ACOXL: variants seen among roughly 807,000 people sequenced by gnomAD.
The protein encoded by ACOXL is acyl-coenzyme A oxidase-like protein.
In ACOXL, 70 loss-of-function variants were observed where a neutral mutation model predicts 71.9. The observed-to-expected ratio is 0.97, with a 90% confidence interval of 0.80 to 1.19. The LOEUF is 1.19. Among genes scored for constraint, ACOXL ranks in the 50% most tolerant of loss-of-function variants. ACOXL has a pLI of 0.00. For missense variants in ACOXL, 703 were observed against 736.3 expected, an observed-to-expected ratio of 0.95 and a Z score of 0.52; for synonymous variants, 253 against 281.6, an observed-to-expected ratio of 0.90 and a Z score of 1.02.
chr2:111,072,890 A>G (rs1018901794), intron 16 of ACOXL, among the ~76,000 whole-genome samples: 1 of 152,200 alleles, frequency 6.6e-6, no homozygotes, highest in African/African-American at 2.4e-5. Flanking sequence ...GATGTATGAG[A>G]GATCCAGTTA....
At position 110,771,386 on chromosome 2, in the gene ACOXL, G is replaced by A. The variant is rs546004235; in HGVS notation, c.75+2922G>A. ...CCTGCTCAGGGAGCATGCCAGGCCC[G>A]TCTGTGTTTCCCTGGACCCCCCTTT... On this transcript the variant is annotated intron_variant, in intron 2 of 17. Transcript: ENST00000439055. Among the ~76,000 whole-genome samples the A allele has an allele frequency of 6.6e-5, 10 of 152,240 alleles. 1 individual carries two copies. The South Asian group carries it at 1.5e-3, about 22-fold the overall frequency.
intron 1 of ACOXL, among the ~76,000 whole-genome samples, chr2:110,759,410 G>C (rs1680097651): frequency 6.6e-6 from 1 of 152,108 alleles, no homozygotes; most frequent in African/African-American, 2.4e-5. Context: ...TTGTTGAATT[G>C]AACACTTTAC....
At chr2:110,899,799 A>G (rs1267330826) in intron 10 of ACOXL, among the ~76,000 whole-genome samples, 1 of 152,164 alleles carries the variant, frequency 6.6e-6, no homozygotes, top group Admixed American at 6.5e-5. Flanking sequence ...TCACTCACAG[A>G]TATTGCTAAG....
chr2:110,744,872 T>G (rs1274331775), intron 1 of ACOXL, among the ~76,000 whole-genome samples: 1 of 152,116 alleles, frequency 6.6e-6, no homozygotes, highest in African/African-American at 2.4e-5. Flanking sequence ...GGTGCAGCCA[T>G]TTTGTCATTT....
At chr2:110,837,751 A>T (rs1282540894) in intron 9 of ACOXL, among the ~76,000 whole-genome samples, 1 of 152,172 alleles carries the variant, frequency 6.6e-6, no homozygotes. Context: ...CCTTGCCATT[A>T]AAATGTGATT....
At chr2:110,936,891 A>C (rs1176741051) in intron 12 of ACOXL, among the ~76,000 whole-genome samples, 1 of 149,374 alleles carries the variant, frequency 6.7e-6, no homozygotes, top group Non-Finnish European at 1.5e-5. Context: ...TGTGTTGCCC[A>C]GGCTGGAGTG....
chr2:111,106,661 G>A (rs1398115852), intron 17 of ACOXL, among the ~76,000 whole-genome samples: 1 of 152,164 alleles, frequency 6.6e-6, no homozygotes, highest in Non-Finnish European at 1.5e-5. Context: ...TAAATCTTCT[G>A]TTTTAGCTGG....
At chr2:111,097,225 A>T (rs2068853722) in intron 17 of ACOXL, among the ~76,000 whole-genome samples, 1 of 152,174 alleles carries the variant, frequency 6.6e-6, no homozygotes, top group Non-Finnish European at 1.5e-5. Context: ...TTTCTGCAGA[A>T]AAGTTGGAAA....
intron 1 of ACOXL, among the ~76,000 whole-genome samples, chr2:110,751,840 ACT>A (rs1032962359): frequency 1.9e-4 from 29 of 152,270 alleles, no homozygotes; most frequent in African/African-American, 7.0e-4. Flanking sequence ...CAATTTGTTG[ACT>A]CAACATATTT....
intron 1 of ACOXL, among the ~76,000 whole-genome samples, chr2:110,757,907 T>A (rs1199288869): frequency 1.3e-5 from 2 of 152,224 alleles, no homozygotes; most frequent in Admixed American, 1.3e-4. Flanking sequence ...TAGATCCGAT[T>A]CGTCAATTTT....
intron 3 of ACOXL, among the ~76,000 whole-genome samples, chr2:110,785,273 A>G (rs1284185557): frequency 2.0e-5 from 3 of 152,186 alleles, no homozygotes; most frequent in Non-Finnish European, 4.4e-5. Flanking sequence ...CATCTTATGT[A>G]GCAGTAATGC....
chr2:110,889,735 A>G (rs1401271008), intron 10 of ACOXL, among the ~76,000 whole-genome samples: 1 of 152,222 alleles, frequency 6.6e-6, no homozygotes, highest in Non-Finnish European at 1.5e-5. Flanking sequence ...TTATTAACCC[A>G]TTCATCAACT....
intron 1 of ACOXL, among the ~76,000 whole-genome samples, chr2:110,736,763 G>A (rs1351176823): frequency 6.6e-6 from 1 of 152,152 alleles, no homozygotes; most frequent in Non-Finnish European, 1.5e-5. Context: ...GGGACTACAG[G>A]CACCCACCAC....
At chr2:110,982,388 C>A (rs905569838) in intron 12 of ACOXL, among the ~76,000 whole-genome samples, 17 of 152,122 alleles carry the variant, frequency 1.1e-4, no homozygotes, top group Admixed American at 6.5e-5. Context: ...CTCGTCTCTC[C>A]CCTCTCTTCC....
intron 10 of ACOXL, among the ~76,000 whole-genome samples, chr2:110,859,792 C>T (rs904244647): frequency 2.0e-5 from 3 of 152,218 alleles, no homozygotes; most frequent in African/African-American, 7.2e-5. Context: ...GTGTGATGCT[C>T]ACCTTGCATC....
intron 17 of ACOXL, among the ~76,000 whole-genome samples, chr2:111,109,286 A>C (rs1459163114): frequency 6.6e-6 from 1 of 152,230 alleles, no homozygotes; most frequent in Non-Finnish European, 1.5e-5. Context: ...ATTGTCAGGA[A>C]TATTTTTGTG....
chr2:110,788,078 T>A (rs1684206214), intron 3 of ACOXL, among the ~76,000 whole-genome samples: 1 of 152,220 alleles, frequency 6.6e-6, no homozygotes, highest in South Asian at 2.1e-4. Flanking sequence ...ACGATATGGT[T>A]GTTTCTCAAA....
chr2:111,083,460 TG>T (rs2068034530), intron 16 of ACOXL, among the ~76,000 whole-genome samples: 1 of 152,102 alleles, frequency 6.6e-6, no homozygotes, highest in African/African-American at 2.4e-5. Flanking sequence ...CCACTCCCAG[TG>T]GAGTCTATAG....
intron 16 of ACOXL, among the ~76,000 whole-genome samples, chr2:111,090,473 C>A (rs1429862197): frequency 6.6e-6 from 1 of 152,058 alleles, no homozygotes; most frequent in Non-Finnish European, 1.5e-5. Flanking sequence ...TTTACCAGGA[C>A]AAGCAAAGGG....
Sources: gnomAD v4.1 joint callset for allele counts (sites outside exome capture counted in the v4.1 genomes callset) on GRCh38, gnomAD v4.1.1 for gene constraint, MANE v1.5 for transcripts, NCBI Gene and HGNC (gene_info 2026-07-23, HGNC 2026-07-21) for gene names.